The following SSBP4 variants were observed in gnomAD, a reference collection of about 807,000 sequenced individuals.
SSBP4 encodes the protein single stranded DNA binding protein 4.
SSBP4 carries 33 observed loss-of-function variants against 64.6 expected under a neutral mutation model. The observed-to-expected ratio is 0.51, with a 90% CI of 0.39 to 0.68. SSBP4 has a LOEUF of 0.68. SSBP4 is among the 30% of genes least tolerant of loss of function. SSBP4 has a pLI of 0.00. For missense variants in SSBP4, 583 were observed against 566.8 expected, an observed-to-expected ratio of 1.03 and a Z score of -0.29; for synonymous variants, 243 against 224.0, an observed-to-expected ratio of 1.08 and a Z score of -0.76.
At chr19:18,431,608 G>T (rs1973387445) in intron 6 of SSBP4, 39 bp from the exon 7 acceptor site, 1 of 1,522,880 alleles carries the variant, frequency 6.6e-7, no homozygotes, top group Non-Finnish European at 8.9e-7. Flanking sequence ...GGGGACCAGA[G>T]GGTGGGGGAA....
Position 18,423,045 on chromosome 19 carries a change from G to A in SSBP4, c.59+3338G>A, listed in dbSNP as rs1016752040. Among the ~76,000 whole-genome samples, 19 of 152,224 alleles carry A rather than the reference G, an allele frequency of 1.2e-4. No individual in the cohort carries two copies. Among genetic ancestry groups the A allele is most frequent in the East Asian group, 1.9e-4 (1 of 5,200 alleles). ...GGTGGGTGCCTGCCCTCGGGGGCTC[G>A]CAGCAGATGGCAGTGACTGTGGAGT... On this transcript the variant is annotated intron_variant, in intron 1 of 17. Transcript: ENST00000270061. The surrounding 1 kb of genome is among the most constrained non-coding windows in gnomAD (Gnocchi z 4.0).
At position 18,423,732 on chromosome 19, in the gene SSBP4, C is replaced by T. The variant is rs1198547126; in HGVS notation, c.60-3619C>T. ...CCAGGTCCAGGCGCCCCATGTCCTC[C>T]GAGTCTTGTGTTCCTTCTGCAGGGA... On this transcript the variant is annotated intron_variant, in intron 1 of 17. Transcript: ENST00000270061. This position sits in a 1 kb window ranked among gnomAD's most constrained non-coding sequence, Gnocchi z 4.0. 2.6e-5 allele frequency among the ~76,000 whole-genome samples: 4 copies of T among 152,146 alleles called. No individual in the cohort carries two copies. Among genetic ancestry groups the T allele is most frequent in the Admixed American group, 6.5e-5 (1 of 15,280 alleles).
At chr19:18,419,232 C>A (rs538212095), upstream of SSBP4, 4,503 of 988,726 alleles carry the variant, frequency 4.6e-3, 10 homozygotes, top group Middle Eastern at 5.2e-3. Context: ...GATCCTGACC[C>A]GCGAGTGTGT....
At chr19:18,404,215 A>T in the SSBP4 span, among the ~76,000 whole-genome samples, 1 of 127,828 alleles carries the variant, frequency 7.8e-6, no homozygotes. Context: ...ACTCCCAAAG[A>T]CCCTCAGAGA....
rs1304450347 is a variant in SSBP4, at chr19:18,432,881, G to T, written c.839G>T (p.Gly280Val). 1 of 1,613,936 alleles carries T rather than the reference G, an allele frequency of 6.2e-7. No individual in the cohort carries two copies. The highest frequency in any genetic ancestry group is 1.3e-5 in the African/African-American group (1 of 74,920). The part of the protein sequence containing the change: ...PPGTPIMPSP[G>V]DSTNSSENMY... ...GGAACACCCATCATGCCTAGCCCTG[G>T]AGGTATGGCCTAGTAAGAGGTGGGG... The change falls in exon 13 of 18, where the codon GGA becomes GTA. Residue 280 changes from glycine (G) to valine (V), a missense_variant and splice_region_variant. This residue lies in a region of SSBP4 where 444 missense variants were observed against 386.6 expected (regional missense o/e 1.15). Coordinates refer to ENST00000270061, the MANE Select transcript of SSBP4 (RefSeq NM_032627.5).
At chr19:18,412,514 G>A in the SSBP4 span, among the ~76,000 whole-genome samples, 2 of 150,456 alleles carry the variant, frequency 1.3e-5, no homozygotes, top group Admixed American at 6.6e-5. Flanking sequence ...CTAGACAGAC[G>A]AGGTGAGGAA....
the SSBP4 span, among the ~76,000 whole-genome samples, chr19:18,411,561 C>G: frequency 6.6e-6 from 1 of 152,034 alleles, no homozygotes; most frequent in African/African-American, 2.4e-5. Flanking sequence ...GTTTGGGGAC[C>G]TCTCCGAGGG....
chr19:18,412,806 C>A, the SSBP4 span, among the ~76,000 whole-genome samples: 2 of 152,168 alleles, frequency 1.3e-5, no homozygotes, highest in Non-Finnish European at 2.9e-5. Context: ...GTGGAGGCTG[C>A]CAAGGCAGCT....
chr19:18,406,818 C>A, the SSBP4 span, among the ~76,000 whole-genome samples: 2 of 152,028 alleles, frequency 1.3e-5, no homozygotes, highest in Admixed American at 6.6e-5. Flanking sequence ...CGGTCAGGAC[C>A]AGAAGTAGGT....
upstream of SSBP4, among the ~76,000 whole-genome samples, chr19:18,417,810 T>G (rs1004159846): frequency 2.0e-5 from 3 of 151,774 alleles, no homozygotes; most frequent in Admixed American, 1.3e-4. The surrounding 1 kb of genome is among the most constrained non-coding windows in gnomAD (Gnocchi z 5.4). Context: ...GTCCTGCCCT[T>G]CCCTTCCTCT....
Position 18,434,267 on chromosome 19 carries a change from T to C in SSBP4, c.*21T>C. On this transcript the variant is annotated 3_prime_UTR_variant, in exon 18 of 18. Coordinates refer to ENST00000270061, the MANE Select transcript of SSBP4 (RefSeq NM_032627.5). ...TGTGATGGGGCGGCAGCCCCGGGCC[T>C]CTCTGCGGGCCTAGGCTTCTGCCCA... 1.2e-6 allele frequency: 2 copies of C among 1,610,096 alleles called. No homozygotes were observed. The highest frequency in any genetic ancestry group is 1.7e-6 in the Non-Finnish European group (2 of 1,178,742).
chr19:18,431,775 G>T lies in SSBP4; in HGVS notation c.496-18G>T, dbSNP rs562787315. ...GAGGGAGCACCCCACACTCAGTGCC[G>T]CCGCACCCCCTCCGCAGCCTCCCGC... On this transcript the variant is annotated intron_variant, in intron 7 of 17. Transcript: ENST00000270061. 26,767 of 1,542,082 alleles carry T rather than the reference G, an allele frequency of 0.017. 291 individuals are homozygous for T. The highest frequency in any genetic ancestry group is 0.021 in the Non-Finnish European group (23,843 of 1,140,136).
At position 18,432,128 on chromosome 19, in the gene SSBP4, A is replaced by G. The variant is rs374239706; in HGVS notation, c.637-19A>G. 191 of 1,611,874 alleles carry G rather than the reference A, an allele frequency of 1.2e-4. 1 individual carries two copies. The highest frequency in any genetic ancestry group is 2.2e-4 in the Admixed American group (13 of 59,918). On this transcript the variant is annotated intron_variant, in intron 9 of 17. Coordinates refer to ENST00000270061, the MANE Select transcript of SSBP4 (RefSeq NM_032627.5). ...GGGCTGTCCCCGGTCTACCCCTCACAGCCCCTTTGCCTCCGCAGAGCTATG... is the reference window on the plus strand; with the variant it reads ...GGGCTGTCCCCGGTCTACCCCTCACGGCCCCTTTGCCTCCGCAGAGCTATG...
chr19:18,430,410 C>A (rs534998137), intron 4 of SSBP4, among the ~76,000 whole-genome samples: 30 of 152,326 alleles, frequency 2.0e-4, no homozygotes, highest in African/African-American at 7.2e-4. Flanking sequence ...CCCCAGAATC[C>A]TGCTTTTCAC....
the SSBP4 span, among the ~76,000 whole-genome samples, chr19:18,405,769 C>T: frequency 5.3e-5 from 8 of 152,108 alleles, no homozygotes; most frequent in African/African-American, 1.7e-4. Flanking sequence ...AGGCAGATCA[C>T]GAGGTCAGGT....
intron 5 of SSBP4, 31 bp from the exon 6 acceptor site, chr19:18,431,322 C>T (rs779221724): frequency 4.9e-6 from 3 of 608,032 alleles, no homozygotes; most frequent in Admixed American, 6.1e-5. Context: ...GGGCCTCACT[C>T]CCCCCCACCC....
At chr19:18,407,531 C>T in the SSBP4 span, among the ~76,000 whole-genome samples, 1 of 152,070 alleles carries the variant, frequency 6.6e-6, no homozygotes, top group Non-Finnish European at 1.5e-5. Flanking sequence ...ATTCTCCTGC[C>T]TCAACCTCCC....
At position 18,419,707 on chromosome 19, in the gene SSBP4, A is replaced by T. The variant is rs1390266885; in HGVS notation, c.59A>T (p.Lys20Met). The change falls in exon 1 of 18, where the codon AAG becomes ATG. Residue 20 changes from lysine (K) to methionine (M), a missense_variant and splice_region_variant. By Grantham distance (95) the Lys-to-Met change is moderately conservative. This residue lies in a region of SSBP4 where 39 missense variants were observed against 25.7 expected (regional missense o/e 1.52). Transcript: ENST00000270061. The part of the protein sequence containing the change: ...AVPSDSQARE[K>M]LALYVYEYLL... Reference sequence around the variant, plus strand: ...CCCTCCGACAGCCAGGCCCGCGAGAAGTGAGTGCGGGGCCGGGGGCGGGGC... The same window carrying T: ...CCCTCCGACAGCCAGGCCCGCGAGATGTGAGTGCGGGGCCGGGGGCGGGGC... 38 of 1,167,952 alleles carry T rather than the reference A, an allele frequency of 3.3e-5. No homozygotes were observed. Among genetic ancestry groups the T allele is most frequent in the Non-Finnish European group, 3.8e-5 (36 of 945,306 alleles). The allele number at this position is 1,167,952 out of a possible 1,614,324, so 72.3% of individuals were successfully genotyped here.
Position 18,427,734 on chromosome 19 carries a change from A to C in SSBP4, c.133-18A>C. 1 of 1,569,498 alleles carries C rather than the reference A, an allele frequency of 6.4e-7. No individual in the cohort carries two copies. On this transcript the variant is annotated intron_variant, in intron 2 of 17. Coordinates refer to ENST00000270061, the MANE Select transcript of SSBP4 (RefSeq NM_032627.5). The surrounding 1 kb of genome is among the most constrained non-coding windows in gnomAD (Gnocchi z 4.4). ...GGTCAGGTAGGGCCACCCCCTCACC[A>C]CCTTCCTTTCCCTGCAGATCCGATG...
Sources: allele counts gnomAD v4.1 joint callset (sites outside exome capture counted in the v4.1 genomes callset), GRCh38; gene constraint gnomAD v4.1.1; regional missense constraint gnomAD v4.1.1; non-coding constraint Gnocchi (gnomAD v3.1); transcripts MANE v1.5; gene names NCBI Gene and HGNC (gene_info 2026-07-23, HGNC 2026-07-21).